RSU1: variants seen among roughly 807,000 people sequenced by gnomAD.
RSU1 encodes the protein rsu-1.
RSU1 carries 26 observed loss-of-function variants against 31.1 expected under a neutral mutation model. That is an observed-to-expected ratio of 0.84 (90% CI 0.61 to 1.16). RSU1 has a LOEUF of 1.16. RSU1 is among the 50% of genes most tolerant of loss of function. The probability of loss-of-function intolerance (pLI) is 0.00; values close to 1 mark genes in which losing one functional copy is unlikely to be tolerated. For synonymous variants in RSU1, 164 were observed against 136.3 expected (o/e 1.20, Z -1.41); for missense variants, 320 against 339.1 (o/e 0.94, Z 0.44).
chr10:16,677,023 A>G (rs1296794949), intron 8 of RSU1, among the ~76,000 whole-genome samples: 1 of 152,168 alleles, frequency 6.6e-6, no homozygotes, highest in African/African-American at 2.4e-5. Context: ...TATGAGGATG[A>G]GGCCTTGTAG....
At chr10:16,647,047 G>A (rs372137520) in intron 8 of RSU1, among the ~76,000 whole-genome samples, 4 of 150,896 alleles carry the variant, frequency 2.7e-5, no homozygotes, top group African/African-American at 4.9e-5. Flanking sequence ...GTGTGATCTC[G>A]GCTCACTGCA....
chr10:16,685,473 G>T (rs1481840479), intron 8 of RSU1, among the ~76,000 whole-genome samples: 1 of 152,136 alleles, frequency 6.6e-6, no homozygotes. Context: ...CCATTTTTAT[G>T]GTTATTTCTT....
chr10:16,690,331 C>T (rs1242256153), intron 8 of RSU1, among the ~76,000 whole-genome samples: 1 of 152,206 alleles, frequency 6.6e-6, no homozygotes, highest in Non-Finnish European at 1.5e-5. Context: ...CCCAACCAAG[C>T]TCATAATTTC....
chr10:16,619,396 CG>C (rs1564288032), intron 8 of RSU1, among the ~76,000 whole-genome samples: 1 of 152,138 alleles, frequency 6.6e-6, no homozygotes, highest in East Asian at 1.9e-4. Context: ...GTGATGTCAA[CG>C]GGAACAACTG....
chr10:16,752,687 A>G, intron 6 of RSU1, 34 bp from the exon 7 acceptor site: 1 of 1,504,274 alleles, frequency 6.6e-7, no homozygotes, highest in Non-Finnish European at 9.3e-7. Context: ...CAACATATTT[A>G]CACATTAAAA....
intron 7 of RSU1, among the ~76,000 whole-genome samples, chr10:16,720,924 C>A (rs1836245767): frequency 6.6e-6 from 1 of 152,096 alleles, no homozygotes; most frequent in Non-Finnish European, 1.5e-5. Context: ...GAGTTTGAGG[C>A]TGCAGTGAGC....
Position 16,789,418 on chromosome 10 carries a change from C to A in RSU1, c.110-7334G>T, listed in dbSNP as rs552593609. On this transcript the variant is annotated intron_variant, in intron 2 of 8. Transcript: ENST00000345264. ...AACAAAGGACTCCAGGTCGGGTCTG[C>A]AGGGAAGGCAGTGAAGCTGAAAGAA... 2.0e-5 allele frequency among the ~76,000 whole-genome samples: 3 copies of A among 152,232 alleles called. No individual in the cohort carries two copies. The South Asian group carries it at 6.2e-4, about 32-fold the overall frequency.
chr10:16,655,485 A>G (rs1047851492), intron 8 of RSU1, among the ~76,000 whole-genome samples: 5 of 152,208 alleles, frequency 3.3e-5, no homozygotes, highest in Admixed American at 1.3e-4. Flanking sequence ...AAACTTGTAT[A>G]AAGAGCTTAG....
chr10:16,738,110 G>A (rs535762744), intron 7 of RSU1, among the ~76,000 whole-genome samples: 2 of 152,272 alleles, frequency 1.3e-5, no homozygotes, highest in East Asian at 3.9e-4. Context: ...GTGAGATGCT[G>A]CTAAAACAAC....
chr10:16,679,423 A>C (rs1246834652), intron 8 of RSU1, among the ~76,000 whole-genome samples: 1 of 152,204 alleles, frequency 6.6e-6, no homozygotes, highest in Non-Finnish European at 1.5e-5. Context: ...CTGGGAAAGA[A>C]GTGATAGCCA....
chr10:16,780,096 C>G (rs1018337085), intron 3 of RSU1, among the ~76,000 whole-genome samples: 1 of 152,182 alleles, frequency 6.6e-6, no homozygotes, highest in Non-Finnish European at 1.5e-5. Context: ...TATAAATATG[C>G]TCCTCTAAAT....
intron 8 of RSU1, among the ~76,000 whole-genome samples, chr10:16,652,448 G>GA (rs1834703732): frequency 6.8e-6 from 1 of 147,570 alleles, no homozygotes; most frequent in East Asian, 2.0e-4. Context: ...TTCTTAAGTG[G>GA]AAAAAAACAT....
chr10:16,725,773 A>AG (rs1023669137), intron 7 of RSU1, among the ~76,000 whole-genome samples: 1 of 149,432 alleles, frequency 6.7e-6, no homozygotes, highest in African/African-American at 2.5e-5. Context: ...AAGTTCTATT[A>AG]TTTATAAATT....
intron 3 of RSU1, among the ~76,000 whole-genome samples, chr10:16,765,962 C>A (rs867444774): frequency 3.9e-5 from 6 of 152,160 alleles, no homozygotes; most frequent in African/African-American, 1.4e-4. Flanking sequence ...CATTTCAAGA[C>A]GACCAATTGA....
At chr10:16,633,366 C>T (rs377405141) in intron 8 of RSU1, among the ~76,000 whole-genome samples, 1 of 152,026 alleles carries the variant, frequency 6.6e-6, no homozygotes, top group African/African-American at 2.4e-5. Flanking sequence ...GGTATGATGG[C>T]CCCTGGGTAG....
intron 7 of RSU1, among the ~76,000 whole-genome samples, chr10:16,710,348 T>A (rs77242771): frequency 6.6e-6 from 1 of 152,246 alleles, no homozygotes; most frequent in Non-Finnish European, 1.5e-5. Context: ...AACACTGGTA[T>A]GAGTAATACT....
intron 2 of RSU1, among the ~76,000 whole-genome samples, chr10:16,804,427 A>T (rs181828492): frequency 2.6e-5 from 4 of 152,352 alleles, no homozygotes; most frequent in African/African-American, 9.6e-5. Context: ...AAAGCTAAAC[A>T]TAATCTTATC....
chr10:16,810,150 C>T (rs1431539359), intron 2 of RSU1, among the ~76,000 whole-genome samples: 1 of 152,040 alleles, frequency 6.6e-6, no homozygotes, highest in Non-Finnish European at 1.5e-5. Flanking sequence ...AGAATTGCTT[C>T]AACCTGGGAG....
At chr10:16,738,675 T>C (rs564125924) in intron 7 of RSU1, among the ~76,000 whole-genome samples, 55 of 152,246 alleles carry the variant, frequency 3.6e-4, no homozygotes, top group Non-Finnish European at 5.9e-4. Context: ...CAATACAGAC[T>C]AACTCAGAAG....
Sources: gnomAD v4.1 joint callset for allele counts (sites outside exome capture counted in the v4.1 genomes callset) on GRCh38, gnomAD v4.1.1 for gene constraint, MANE v1.5 for transcripts, NCBI Gene and HGNC (gene_info 2026-07-23, HGNC 2026-07-21) for gene names.